Variants in GRIN2B observed in about 807,000 individuals in gnomAD.
GRIN2B encodes the protein glutamate receptor ionotropic, NMDA 2B.
In GRIN2B, 5 loss-of-function variants were observed where a neutral mutation model predicts 114.5. The observed-to-expected ratio is 0.04, with a 90% CI of 0.02 to 0.09. GRIN2B has a LOEUF of 0.09. GRIN2B is among the 10% of genes least tolerant of loss of function. GRIN2B has a pLI of 1.00. For missense variants in GRIN2B, 1,108 were observed against 1,943.5 expected (o/e 0.57, Z 8.08); for synonymous variants, 787 against 745.1 (o/e 1.06, Z -0.92).
chr12:13,895,045 T>C (rs1866331150), intron 2 of GRIN2B, among the ~76,000 whole-genome samples: 1 of 152,218 alleles, frequency 6.6e-6, no homozygotes, highest in African/African-American at 2.4e-5. Context: ...TAAAGGCATA[T>C]GTACTTTGTG....
chr12:13,766,362 T>C (rs919557647), intron 3 of GRIN2B, among the ~76,000 whole-genome samples: 1 of 152,232 alleles, frequency 6.6e-6, no homozygotes, highest in African/African-American at 2.4e-5. Flanking sequence ...TTCAAGCTTC[T>C]TTCTACTTAT....
intron 11 of GRIN2B, among the ~76,000 whole-genome samples, chr12:13,570,327 CAG>C (rs1410504681): frequency 1.3e-5 from 2 of 152,136 alleles, no homozygotes; most frequent in Non-Finnish European, 1.5e-5. Flanking sequence ...AAAATAATAA[CAG>C]AAATAATGAA....
intron 2 of GRIN2B, among the ~76,000 whole-genome samples, chr12:13,915,801 G>A (rs1866707888): frequency 6.6e-6 from 1 of 152,080 alleles, no homozygotes; most frequent in African/African-American, 2.4e-5. Flanking sequence ...AAACTTCCAA[G>A]CACCTGGCTG....
Position 13,892,300 on chromosome 12 carries a change from A to G in GRIN2B, c.-18-26074T>C, listed in dbSNP as rs142901559. The stretch of plus-strand genomic sequence containing the variant: ...AAAAAACCAGAAGTCCCATCTCCCA[A>G]TGGCCGAGTTCTAATTTGTATTTTA... On this transcript the variant is annotated intron_variant, in intron 2 of 13. Transcript: ENST00000609686. Among the ~76,000 whole-genome samples the G allele has an allele frequency of 4.6e-5, 7 of 152,328 alleles. 1 individual carries two copies. The highest frequency in any genetic ancestry group is 4.1e-4 in the South Asian group (2 of 4,824).
intron 1 of GRIN2B, 100 bp from the exon 2 acceptor site, chr12:13,980,456 G>A (rs188414653): frequency 1.3e-5 from 2 of 152,302 alleles, no homozygotes; most frequent in East Asian, 1.9e-4. Flanking sequence ...TTAAGGAAAG[G>A]GGGGAGGAAA....
chr12:13,802,303 C>A (rs1393593991), intron 3 of GRIN2B, among the ~76,000 whole-genome samples: 1 of 151,522 alleles, frequency 6.6e-6, no homozygotes, highest in Non-Finnish European at 1.5e-5. Context: ...AATTTAAGCA[C>A]AAATTTTTTT....
At chr12:13,963,269 A>G (rs1265184200) in intron 2 of GRIN2B, among the ~76,000 whole-genome samples, 2 of 151,308 alleles carry the variant, frequency 1.3e-5, no homozygotes, top group East Asian at 1.9e-4. Context: ...ATTCTGTAAC[A>G]CTCCCAATTT....
At chr12:13,891,480 G>A (rs1866261703) in intron 2 of GRIN2B, among the ~76,000 whole-genome samples, 1 of 152,134 alleles carries the variant, frequency 6.6e-6, no homozygotes, top group African/African-American at 2.4e-5. Flanking sequence ...TGCCACCAAT[G>A]CAATGAGGTT....
intron 2 of GRIN2B, among the ~76,000 whole-genome samples, chr12:13,870,847 G>T (rs1197706729): frequency 6.6e-6 from 1 of 152,020 alleles, no homozygotes; most frequent in Non-Finnish European, 1.5e-5. Context: ...TTAGAGAGTG[G>T]GGAAACAATA....
intron 5 of GRIN2B, among the ~76,000 whole-genome samples, chr12:13,631,205 C>G (rs1003421449): frequency 6.6e-6 from 1 of 152,114 alleles, no homozygotes; most frequent in African/African-American, 2.4e-5. Context: ...GCAACTTTTT[C>G]CTCCCAGTGT....
intron 2 of GRIN2B, among the ~76,000 whole-genome samples, chr12:13,969,908 A>AGTGGT (rs1867847661): frequency 6.6e-6 from 1 of 152,216 alleles, no homozygotes; most frequent in Admixed American, 6.5e-5. Context: ...GCTGGAGTGC[A>AGTGGT]GTGGTGCAAT....
At chr12:13,849,073 T>C (rs1865515470) in intron 3 of GRIN2B, among the ~76,000 whole-genome samples, 1 of 152,156 alleles carries the variant, frequency 6.6e-6, no homozygotes, top group Admixed American at 6.5e-5. Flanking sequence ...CACCAATTTG[T>C]TCTTGGAGAA....
At chr12:13,830,159 C>A (rs900548024) in intron 3 of GRIN2B, among the ~76,000 whole-genome samples, 8 of 152,156 alleles carry the variant, frequency 5.3e-5, no homozygotes, top group African/African-American at 1.9e-4. Flanking sequence ...TATCTAAGGT[C>A]AGGGATTATA....
intron 2 of GRIN2B, among the ~76,000 whole-genome samples, chr12:13,963,429 A>G (rs1867732980): frequency 6.6e-6 from 1 of 152,180 alleles, no homozygotes; most frequent in Non-Finnish European, 1.5e-5. Flanking sequence ...GCATTTATGT[A>G]AGAAAAACAA....
chr12:13,870,817 T>C (rs1318545044), intron 2 of GRIN2B, among the ~76,000 whole-genome samples: 2 of 152,102 alleles, frequency 1.3e-5, no homozygotes, highest in African/African-American at 2.4e-5. Flanking sequence ...TTAAGAGACA[T>C]AGGCTTAAAA....
chr12:13,974,345 A>G (rs1481974189), intron 2 of GRIN2B, among the ~76,000 whole-genome samples: 1 of 152,222 alleles, frequency 6.6e-6, no homozygotes, highest in Non-Finnish European at 1.5e-5. Context: ...GGATTTCACT[A>G]ACTATACAAT....
intron 3 of GRIN2B, among the ~76,000 whole-genome samples, chr12:13,843,342 A>C (rs1186368222): frequency 6.6e-6 from 1 of 152,088 alleles, no homozygotes; most frequent in African/African-American, 2.4e-5. Flanking sequence ...CTGTGTCTGC[A>C]TCAAGTACCC....
intron 10 of GRIN2B, among the ~76,000 whole-genome samples, chr12:13,594,307 C>A (rs1011287463): frequency 1.3e-5 from 2 of 152,070 alleles, no homozygotes; most frequent in African/African-American, 4.8e-5. Flanking sequence ...GGATTAAGAA[C>A]ATGTGGCACA....
rs760442573 is a variant in GRIN2B at position 13,559,697 on chromosome 12, C to G, written c.*3086G>C. 1 of 152,184 alleles carries G rather than the reference C, an allele frequency of 6.6e-6. No individual in the cohort carries two copies. Among genetic ancestry groups the G allele is most frequent in the African/African-American group, 2.4e-5 (1 of 41,434 alleles). 9.4% of individuals were successfully genotyped at this position (152,184 alleles called of 1,614,324 possible). On this transcript the variant is annotated 3_prime_UTR_variant, in exon 14 of 14. Coordinates refer to ENST00000609686, the MANE Select transcript of GRIN2B (RefSeq NM_000834.5). The stretch of plus-strand genomic sequence containing the variant: ...CATATCCAGCACTACCTCTCTGTGA[C>G]CAGATATCACATGCTTCAAAAAGTA...
Sources: gnomAD v4.1 joint callset for allele counts (sites outside exome capture counted in the v4.1 genomes callset) on GRCh38, gnomAD v4.1.1 for gene constraint, MANE v1.5 for transcripts, NCBI Gene and HGNC (gene_info 2026-07-23, HGNC 2026-07-21) for gene names.